ERBB4: variants seen among roughly 807,000 people sequenced by gnomAD.
ERBB4 encodes the protein receptor tyrosine-protein kinase erbB-4.
In ERBB4, 42 loss-of-function variants were observed where a neutral mutation model predicts 158.0. The observed-to-expected ratio is 0.27, with a 90% CI of 0.21 to 0.34. ERBB4 has a LOEUF of 0.34. Ranked by LOEUF, ERBB4 falls within the 10% of genes least tolerant of loss-of-function variation. The pLI is 1.00. For missense variants in ERBB4, 1,333 were observed against 1,624.1 expected (o/e 0.82, Z 3.08); for synonymous variants, 583 against 558.7 (o/e 1.04, Z -0.61).
chr2:212,113,369 A>T (rs1230877435), intron 2 of ERBB4, among the ~76,000 whole-genome samples: 1 of 151,848 alleles, frequency 6.6e-6, no homozygotes, highest in Non-Finnish European at 1.5e-5. Context: ...AGGTCAGGAG[A>T]TCGAGACCAT....
intron 12 of ERBB4, among the ~76,000 whole-genome samples, chr2:211,691,120 A>G (rs73082621): frequency 0.016 from 2,463 of 152,288 alleles, 62 homozygotes; most frequent in African/African-American, 0.056. Context: ...GGTATTGTTC[A>G]TCTTTTTTTT....
In ERBB4 at chr2:211,383,692, ATTC is replaced by A. The variant is rs745736412; in HGVS notation, c.3847_3849del (p.Glu1283del). ...GGCTTCAGGGAGAACTCAGAGAGGT[ATTC>A]AGGATTCTCTGCCACAATAGGCCGG... On this transcript the variant is annotated inframe_deletion, in exon 28 of 28. Coordinates refer to ENST00000342788, the MANE Select transcript of ERBB4 (RefSeq NM_005235.3). 1.9e-6 allele frequency: 3 copies of A among 1,614,074 alleles called. No homozygotes were observed. Among genetic ancestry groups the A allele is most frequent in the Non-Finnish European group, 2.5e-6 (3 of 1,179,964 alleles).
At chr2:211,801,074 C>A (rs2076488553) in intron 3 of ERBB4, among the ~76,000 whole-genome samples, 2 of 152,116 alleles carry the variant, frequency 1.3e-5, no homozygotes, top group African/African-American at 4.8e-5. Flanking sequence ...GTTCTTCTAA[C>A]CGAATTCCAT....
At chr2:211,825,242 CATAATG>C (rs1174573715) in intron 3 of ERBB4, among the ~76,000 whole-genome samples, 4 of 151,784 alleles carry the variant, frequency 2.6e-5, no homozygotes, top group East Asian at 3.9e-4. Context: ...TTATCATCAT[CATAATG>C]ATAATAAGTA....
At chr2:211,828,677 C>A (rs2105963500) in intron 3 of ERBB4, among the ~76,000 whole-genome samples, 1 of 152,164 alleles carries the variant, frequency 6.6e-6, no homozygotes, top group South Asian at 2.1e-4. Flanking sequence ...ACTGAGTGCC[C>A]CACAGAAATG....
intron 16 of ERBB4, among the ~76,000 whole-genome samples, chr2:211,634,085 G>A (rs1486202128): frequency 1.3e-5 from 2 of 152,170 alleles, no homozygotes; most frequent in Non-Finnish European, 2.9e-5. Flanking sequence ...CCTGAACCCA[G>A]GAAGTGAAGG....
intron 2 of ERBB4, among the ~76,000 whole-genome samples, chr2:212,036,445 G>A (rs2077014555): frequency 6.6e-6 from 1 of 151,444 alleles, no homozygotes; most frequent in South Asian, 2.1e-4. Context: ...CGTGGAACTA[G>A]TTCAAATCAT....
chr2:211,535,803 G>A (rs2066634787), intron 20 of ERBB4: 1 of 152,152 alleles, frequency 6.6e-6, no homozygotes. Flanking sequence ...TACAGTAAAA[G>A]TTCAGAAGTA....
chr2:212,131,145 T>C (rs573156804), intron 1 of ERBB4, among the ~76,000 whole-genome samples: 88 of 152,244 alleles, frequency 5.8e-4, no homozygotes, highest in African/African-American at 2.0e-3. Context: ...ATGTTCAAAA[T>C]ACATCCCCAA....
intron 1 of ERBB4, among the ~76,000 whole-genome samples, chr2:212,523,643 A>C (rs112951444): frequency 1.3e-5 from 2 of 152,012 alleles, no homozygotes; most frequent in African/African-American, 4.8e-5. Context: ...ATGGGTGGGA[A>C]TCCTAGCCAT....
At chr2:212,230,862 G>C (rs1159836028) in intron 1 of ERBB4, among the ~76,000 whole-genome samples, 1 of 152,072 alleles carries the variant, frequency 6.6e-6, no homozygotes, top group African/African-American at 2.4e-5. Flanking sequence ...ACCTTCCCAG[G>C]AATCATAGGG....
chr2:211,730,349 C>G (rs898287652), intron 5 of ERBB4, among the ~76,000 whole-genome samples: 23 of 152,012 alleles, frequency 1.5e-4, no homozygotes, highest in Middle Eastern at 3.4e-3. Flanking sequence ...ATCACAGTGA[C>G]AAGACAAAAG....
intron 1 of ERBB4, among the ~76,000 whole-genome samples, chr2:212,207,240 C>T (rs994713943): frequency 2.0e-5 from 3 of 151,814 alleles, no homozygotes; most frequent in African/African-American, 4.8e-5. Flanking sequence ...CCTGTGGTAA[C>T]AGGTAGAATA....
At chr2:211,692,703 G>A (rs1186029158) in intron 12 of ERBB4, among the ~76,000 whole-genome samples, 7 of 151,946 alleles carry the variant, frequency 4.6e-5, no homozygotes, top group African/African-American at 1.5e-4. Context: ...ATAAAGACAC[G>A]TGTGATTATA....
chr2:212,200,762 A>G (rs2082565666), intron 1 of ERBB4, among the ~76,000 whole-genome samples: 1 of 152,202 alleles, frequency 6.6e-6, no homozygotes, highest in Non-Finnish European at 1.5e-5. Flanking sequence ...AGAATATCAC[A>G]TTTCCTCCAT....
intron 1 of ERBB4, among the ~76,000 whole-genome samples, chr2:212,267,593 A>ATTTCTTTTTTTT (rs1553607817): frequency 5.4e-4 from 38 of 70,074 alleles, no homozygotes; most frequent in South Asian, 3.5e-3. Context: ...CATAGTTCTC[A>ATTTCTTTTTTTT]TTTCTTTTTT....
At chr2:212,382,253 C>T (rs937890360) in intron 1 of ERBB4, among the ~76,000 whole-genome samples, 6 of 149,420 alleles carry the variant, frequency 4.0e-5, no homozygotes, top group Admixed American at 6.8e-5. Flanking sequence ...TATATATTTA[C>T]TATATATTTA....
chr2:211,572,469 A>T (rs978416070), intron 19 of ERBB4, among the ~76,000 whole-genome samples: 2 of 152,152 alleles, frequency 1.3e-5, no homozygotes, highest in Non-Finnish European at 2.9e-5. Context: ...ATGGATGATG[A>T]CAACGGGCTA....
At chr2:212,175,883 G>A (rs1176794775) in intron 1 of ERBB4, among the ~76,000 whole-genome samples, 1 of 151,886 alleles carries the variant, frequency 6.6e-6, no homozygotes, top group Non-Finnish European at 1.5e-5. Flanking sequence ...GAACCCCAGA[G>A]AAGTAAAGTG....
Sources: gnomAD v4.1 joint callset for allele counts (sites outside exome capture counted in the v4.1 genomes callset) on GRCh38, gnomAD v4.1.1 for gene constraint, MANE v1.5 for transcripts, NCBI Gene and HGNC (gene_info 2026-07-23, HGNC 2026-07-21) for gene names.